Variants in SVOP observed in about 807,000 individuals in gnomAD.
The protein encoded by SVOP is SV2 related protein, also known as synaptic vesicle 2-related protein.
Under a neutral mutation model 69.1 loss-of-function variants are expected in SVOP, and 17 were observed. The observed-to-expected ratio is 0.25, with a 90% CI of 0.17 to 0.37. The LOEUF (loss-of-function observed/expected upper bound fraction) is 0.37, where lower values mean the gene tolerates loss of function less well. Among genes scored for constraint, SVOP ranks in the 10% least tolerant of loss-of-function variants. SVOP has a pLI of 1.00. For synonymous variants in SVOP, 238 were observed against 238.6 expected (o/e 1.00, Z 0.02); for missense variants, 435 against 597.5 (o/e 0.73, Z 2.84).
At chr12:108,976,935 T>C (rs1217484093) in intron 4 of SVOP, among the ~76,000 whole-genome samples, 1 of 152,170 alleles carries the variant, frequency 6.6e-6, no homozygotes, top group Non-Finnish European at 1.5e-5. Flanking sequence ...TTTTAAGAGG[T>C]TGCTGCTGAT....
intron 7 of SVOP, among the ~76,000 whole-genome samples, chr12:108,941,871 G>A (rs142324719): frequency 0.022 from 3,287 of 151,954 alleles, 135 homozygotes; most frequent in African/African-American, 0.074. Flanking sequence ...CACCATGTTG[G>A]CCAGGGTGGT....
At chr12:108,983,253 T>A (rs1430616329) in intron 2 of SVOP, among the ~76,000 whole-genome samples, 3 of 150,394 alleles carry the variant, frequency 2.0e-5, no homozygotes, top group Admixed American at 6.6e-5. Flanking sequence ...ACCATCATCC[T>A]CACCATCATC....
intron 1 of SVOP, among the ~76,000 whole-genome samples, chr12:108,996,168 G>A (rs1226735421): frequency 6.6e-6 from 1 of 152,136 alleles, no homozygotes; most frequent in East Asian, 1.9e-4. Context: ...AGGAGTTTGA[G>A]ACCAGCTTGG....
chr12:108,973,364 G>GAC (rs201648559), intron 4 of SVOP, among the ~76,000 whole-genome samples: 101,257 of 151,338 alleles, frequency 0.67, 34,355 homozygotes, highest in East Asian at 0.79. Context: ...GGGAGAAGCA[G>GAC]ACAGTTTATG....
chr12:108,920,035 C>T (rs2039738991), intron 12 of SVOP, among the ~76,000 whole-genome samples: 1 of 152,166 alleles, frequency 6.6e-6, no homozygotes, highest in South Asian at 2.1e-4. Flanking sequence ...ATGGAGAAGG[C>T]CAGTTGGCAA....
intron 11 of SVOP, chr12:108,926,541 T>G (rs529429265): frequency 6.6e-6 from 1 of 152,356 alleles, no homozygotes; most frequent in African/African-American, 2.4e-5. Context: ...GAAGTAAGCA[T>G]GTGTGAAAGA....
intron 1 of SVOP, among the ~76,000 whole-genome samples, chr12:109,013,113 C>T (rs2040350882): frequency 6.6e-6 from 1 of 152,136 alleles, no homozygotes. Flanking sequence ...AATCATTTGG[C>T]CTGTCTATAT....
chr12:108,982,219 T>G (rs1050941915), intron 2 of SVOP, among the ~76,000 whole-genome samples: 2 of 150,822 alleles, frequency 1.3e-5, no homozygotes. Context: ...ATCATCATCT[T>G]CATCACCATA....
intron 7 of SVOP, among the ~76,000 whole-genome samples, chr12:108,942,875 G>A (rs759946666): frequency 1.2e-4 from 19 of 152,078 alleles, no homozygotes; most frequent in South Asian, 2.1e-4. Flanking sequence ...AGCAATTATC[G>A]TGCCTCAGCC....
At chr12:108,923,743 C>T (rs542481622) in intron 11 of SVOP, among the ~76,000 whole-genome samples, 43 of 152,190 alleles carry the variant, frequency 2.8e-4, no homozygotes, top group African/African-American at 9.4e-4. Flanking sequence ...ATCACCTGTT[C>T]CTGTCCCTCA....
chr12:108,965,344 T>A (rs1394514125), intron 5 of SVOP, among the ~76,000 whole-genome samples: 2 of 152,180 alleles, frequency 1.3e-5, no homozygotes, highest in Non-Finnish European at 2.9e-5. Context: ...AATGAGCCAC[T>A]CCCTTCCTCT....
rs577224420 is a variant in SVOP, at chr12:108,948,902, G to A, written c.579-3736C>T. On this transcript the variant is annotated intron_variant, in intron 6 of 15. Transcript: ENST00000610966. ...ACTTTTATATTTTATTCTGTTTTCCGAATGGTATGCTTATATTATTTTTAA... is the reference window on the plus strand; with the variant it reads ...ACTTTTATATTTTATTCTGTTTTCCAAATGGTATGCTTATATTATTTTTAA... Among the ~76,000 whole-genome samples the A allele has an allele frequency of 1.8e-4, 27 of 152,166 alleles. 1 individual carries two copies. In the South Asian group the frequency reaches 4.4e-3, roughly 25 times the overall value.
intron 9 of SVOP, 51 bp from the exon 10 acceptor site, chr12:108,937,388 G>A: frequency 1.9e-6 from 3 of 1,567,780 alleles, no homozygotes; most frequent in Non-Finnish European, 2.6e-6. Flanking sequence ...CAGATGCACG[G>A]GAGATGGGCT....
chr12:108,978,209 G>C (rs2040117594), intron 3 of SVOP, among the ~76,000 whole-genome samples: 1 of 152,174 alleles, frequency 6.6e-6, no homozygotes, highest in African/African-American at 2.4e-5. Flanking sequence ...ATAGCCAGGG[G>C]ATTTGAATGA....
At chr12:108,982,631 A>G (rs2040143524) in intron 2 of SVOP, among the ~76,000 whole-genome samples, 1 of 151,396 alleles carries the variant, frequency 6.6e-6, no homozygotes, top group African/African-American at 2.4e-5. Flanking sequence ...CTTCATCACT[A>G]TCATCATCAT....
intron 5 of SVOP, among the ~76,000 whole-genome samples, chr12:108,963,258 C>T (rs576227325): frequency 6.6e-6 from 1 of 152,128 alleles, no homozygotes; most frequent in South Asian, 2.1e-4. Flanking sequence ...TGATTTTTTG[C>T]TTTAAGATAT....
At chr12:108,933,649 C>T (rs1217349867) in intron 11 of SVOP, among the ~76,000 whole-genome samples, 1 of 152,002 alleles carries the variant, frequency 6.6e-6, no homozygotes, top group Non-Finnish European at 1.5e-5. Flanking sequence ...CACTGCACTC[C>T]AGCCTGGGCG....
chr12:108,935,236 T>C (rs1170895848), intron 10 of SVOP, among the ~76,000 whole-genome samples: 1 of 152,242 alleles, frequency 6.6e-6, no homozygotes, highest in East Asian at 1.9e-4. Context: ...GTTTATTAAT[T>C]CCTGGCTGAC....
chr12:108,998,520 A>G (rs1345241599), intron 1 of SVOP, among the ~76,000 whole-genome samples: 1 of 151,950 alleles, frequency 6.6e-6, no homozygotes, highest in African/African-American at 2.4e-5. Context: ...CAGATTCACC[A>G]AAGTTGAAAT....
Sources: gnomAD v4.1 joint callset for allele counts (sites outside exome capture counted in the v4.1 genomes callset) on GRCh38, gnomAD v4.1.1 for gene constraint, MANE v1.5 for transcripts, NCBI Gene and HGNC (gene_info 2026-07-23, HGNC 2026-07-21) for gene names.